Variants in MAGI1 observed in about 807,000 individuals in gnomAD.
MAGI1 encodes membrane associated guanylate kinase, WW and PDZ domain containing 1, also known as membrane-associated guanylate kinase, WW and PDZ domain-containing protein 1.
MAGI1 carries 58 observed loss-of-function variants against 139.9 expected under a neutral mutation model. The ratio of observed to expected loss-of-function variants is 0.41; its 90% CI spans 0.34 to 0.52. The LOEUF (loss-of-function observed/expected upper bound fraction) is 0.52. MAGI1 is among the 20% of genes least tolerant of loss of function. The probability of loss-of-function intolerance (pLI) is 0.12; values close to 1 mark genes in which losing one functional copy is unlikely to be tolerated. For synonymous variants in MAGI1, 812 were observed against 737.9 expected, an observed-to-expected ratio of 1.10 and a Z score of -1.63; for missense variants, 1,874 against 1,901.6, an observed-to-expected ratio of 0.99 and a Z score of 0.27.
intron 2 of MAGI1, among the ~76,000 whole-genome samples, chr3:65,611,560 C>T (rs1432133283): frequency 1.4e-5 from 2 of 140,606 alleles, no homozygotes; most frequent in Non-Finnish European, 3.1e-5. Context: ...ACTGTATATA[C>T]ACATATATGA....
chr3:65,531,172 G>GA (rs1322703370), intron 2 of MAGI1, among the ~76,000 whole-genome samples: 2 of 151,622 alleles, frequency 1.3e-5, no homozygotes, highest in Admixed American at 6.6e-5. Context: ...AAAAAAATCT[G>GA]AAAAAAATCA....
chr3:65,605,045 A>G (rs181041284), intron 2 of MAGI1, among the ~76,000 whole-genome samples: 2 of 152,310 alleles, frequency 1.3e-5, no homozygotes, highest in East Asian at 1.9e-4. Flanking sequence ...GCAACTTAAG[A>G]TAGCTAATGA....
chr3:65,781,894 A>G (rs1577095759), intron 1 of MAGI1, among the ~76,000 whole-genome samples: 1 of 45,274 alleles, frequency 2.2e-5, no homozygotes, highest in Non-Finnish European at 7.0e-5. Flanking sequence ...CTGACTGGGG[A>G]ACCCCCCCTC....
At chr3:65,854,034 G>A (rs1001267616) in intron 1 of MAGI1, among the ~76,000 whole-genome samples, 1 of 152,112 alleles carries the variant, frequency 6.6e-6, no homozygotes, top group Admixed American at 6.5e-5. Context: ...CTTGAACCAG[G>A]GAGGTGGAGG....
At chr3:65,446,948 AG>A (rs1400587483) in intron 7 of MAGI1, among the ~76,000 whole-genome samples, 1 of 152,228 alleles carries the variant, frequency 6.6e-6, no homozygotes, top group Non-Finnish European at 1.5e-5. Flanking sequence ...TCATAATTCT[AG>A]CCAACCATGA....
intron 2 of MAGI1, chr3:65,619,969 T>C: frequency 5.1e-6 from 5 of 985,426 alleles, no homozygotes; most frequent in Non-Finnish European, 6.0e-6. Flanking sequence ...AACATGATTT[T>C]TCCACTGTTT....
At chr3:65,696,784 T>A (rs2089235454) in intron 1 of MAGI1, among the ~76,000 whole-genome samples, 1 of 152,110 alleles carries the variant, frequency 6.6e-6, no homozygotes, top group East Asian at 1.9e-4. Flanking sequence ...GCCAAACCCT[T>A]ACAAATTTTC....
intron 2 of MAGI1, among the ~76,000 whole-genome samples, chr3:65,609,571 GTTTT>G (rs894819185): frequency 6.6e-6 from 1 of 151,032 alleles, no homozygotes; most frequent in Non-Finnish European, 1.5e-5. Context: ...GAGCCACCGG[GTTTT>G]TTTTGTTTTT....
At chr3:65,460,991 T>A (rs550083337) in intron 5 of MAGI1, among the ~76,000 whole-genome samples, 1 of 152,176 alleles carries the variant, frequency 6.6e-6, no homozygotes, top group South Asian at 2.1e-4. Flanking sequence ...CTATTGTGAA[T>A]AGGGCTGCAA....
chr3:65,974,419 A>G (rs1228928198), intron 1 of MAGI1, among the ~76,000 whole-genome samples: 1 of 150,684 alleles, frequency 6.6e-6, no homozygotes, highest in African/African-American at 2.4e-5. Flanking sequence ...GGATGGATGG[A>G]TGGATGGATG....
intron 1 of MAGI1, among the ~76,000 whole-genome samples, chr3:65,869,445 G>C (rs942414889): frequency 6.7e-5 from 10 of 149,746 alleles, no homozygotes; most frequent in Admixed American, 2.0e-4. Context: ...CTCTCACCCA[G>C]GTTGGAGTGC....
At chr3:65,841,264 G>C (rs1166705216) in intron 1 of MAGI1, among the ~76,000 whole-genome samples, 1 of 151,746 alleles carries the variant, frequency 6.6e-6, no homozygotes. Context: ...ATTGTTTTCT[G>C]TTTTTAATTT....
intron 1 of MAGI1, among the ~76,000 whole-genome samples, chr3:65,729,652 T>C (rs1459279421): frequency 2.0e-5 from 3 of 152,204 alleles, no homozygotes; most frequent in Admixed American, 6.5e-5. Flanking sequence ...GTGTGTTTGC[T>C]GACCCTGGAA....
chr3:65,557,361 C>T (rs1012337571), intron 2 of MAGI1, among the ~76,000 whole-genome samples: 5 of 152,170 alleles, frequency 3.3e-5, no homozygotes, highest in African/African-American at 1.2e-4. Flanking sequence ...TGTCAACAGC[C>T]ATGTAAGTGA....
chr3:66,016,507 T>G (rs1398578131), intron 1 of MAGI1, among the ~76,000 whole-genome samples: 2 of 152,146 alleles, frequency 1.3e-5, no homozygotes, highest in Non-Finnish European at 2.9e-5. Flanking sequence ...ACACACCCTT[T>G]GCAAAGAAGC....
chr3:65,698,675 G>A (rs1349267052), intron 1 of MAGI1, among the ~76,000 whole-genome samples: 1 of 151,710 alleles, frequency 6.6e-6, no homozygotes, highest in Non-Finnish European at 1.5e-5. Context: ...CTAGCCATAT[G>A]TAGAAAGCTG....
intron 1 of MAGI1, among the ~76,000 whole-genome samples, chr3:65,896,084 T>A (rs2060955779): frequency 6.6e-6 from 1 of 152,084 alleles, no homozygotes; most frequent in Non-Finnish European, 1.5e-5. Flanking sequence ...CTGGCTGACA[T>A]GGGGAAGCCC....
chr3:65,541,126 G>A (rs1328510944), intron 2 of MAGI1, among the ~76,000 whole-genome samples: 1 of 152,056 alleles, frequency 6.6e-6, no homozygotes, highest in African/African-American at 2.4e-5. Context: ...ACTACCATCA[G>A]AGAACACTAT....
At chr3:65,546,607 T>C (rs1336742794) in intron 2 of MAGI1, among the ~76,000 whole-genome samples, 14 of 152,252 alleles carry the variant, frequency 9.2e-5, no homozygotes, top group Non-Finnish European at 2.1e-4. Flanking sequence ...AGAGAAGATA[T>C]TCATTCTAGA....
Sources: allele counts gnomAD v4.1 joint callset (sites outside exome capture counted in the v4.1 genomes callset), GRCh38; gene constraint gnomAD v4.1.1; transcripts MANE v1.5; gene names NCBI Gene and HGNC (gene_info 2026-07-23, HGNC 2026-07-21).